The following GML variants were observed in gnomAD, a reference collection of about 807,000 sequenced individuals.
The protein encoded by GML is glycosyl-phosphatidylinositol-anchored molecule-like protein.
Under a neutral mutation model 8.2 loss-of-function variants are expected in GML, and 5 were observed. That is an observed-to-expected ratio of 0.61 (90% CI 0.32 to 1.28). The LOEUF (loss-of-function observed/expected upper bound fraction) is 1.28, where lower values mean the gene tolerates loss of function less well. Among genes scored for constraint, GML ranks in the 50% most tolerant of loss-of-function variants. The pLI, the probability that GML is intolerant of heterozygous loss-of-function variation, is 0.06. For missense variants in GML, 191 were observed against 198.3 expected, an observed-to-expected ratio of 0.96 and a Z score of 0.22; for synonymous variants, 72 against 69.0, an observed-to-expected ratio of 1.04 and a Z score of -0.22.
rs1449430357 is a variant in GML, at chr8:142,846,552, A to G, written c.339A>G (p.Gly113=). 1 of 1,614,068 alleles carries G rather than the reference A, an allele frequency of 6.2e-7. No homozygotes were observed. The highest frequency in any genetic ancestry group is 1.1e-5 in the South Asian group (1 of 91,070). ...CCCNSMVCNA[G]GPTNLERDML... ...GTAATAGCATGGTTTGCAATGCAGGAGGACCTACTAATCTTGAAAGGGACA... is the reference window on the plus strand; with the variant it reads ...GTAATAGCATGGTTTGCAATGCAGGGGGACCTACTAATCTTGAAAGGGACA... The change falls in exon 4 of 4, where the codon GGA becomes GGG. Residue 113 remains glycine (G), a synonymous_variant. Transcript: ENST00000220940.
chr8:142,839,679 G>C (rs756551), intron 1 of GML, among the ~76,000 whole-genome samples: 1 of 152,192 alleles, frequency 6.6e-6, no homozygotes, highest in African/African-American at 2.4e-5. Flanking sequence ...AGGGGATGGA[G>C]ACAGTGCGTT....
At chr8:142,844,537 G>A (rs934655475) in intron 3 of GML, among the ~76,000 whole-genome samples, 1 of 152,130 alleles carries the variant, frequency 6.6e-6, no homozygotes, top group Non-Finnish European at 1.5e-5. Context: ...TGAGGAGAAA[G>A]CATTTCAAAA....
chr8:142,840,325 G>A (rs1816409509), intron 1 of GML, 91 bp from the exon 2 acceptor site: 1 of 775,360 alleles, frequency 1.3e-6, no homozygotes, highest in Non-Finnish European at 2.3e-6. Context: ...GCAGAGTCAG[G>A]GAGACTCATG....
intron 3 of GML, among the ~76,000 whole-genome samples, chr8:142,844,055 G>A (rs879802261): frequency 2.1e-4 from 28 of 134,712 alleles, no homozygotes; most frequent in Non-Finnish European, 3.6e-4. Flanking sequence ...AAAAGCTCGA[G>A]GACTTGTGCT....
chr8:142,844,185 C>A (rs952441942), intron 3 of GML, among the ~76,000 whole-genome samples: 5 of 152,174 alleles, frequency 3.3e-5, no homozygotes, highest in African/African-American at 1.2e-4. Context: ...CTTCTGGTTT[C>A]TTGATCTCTG....
chr8:142,841,077 T>A, intron 2 of GML, 41 bp from the exon 3 acceptor site: 1 of 940,398 alleles, frequency 1.1e-6, no homozygotes, highest in Non-Finnish European at 1.8e-6. Context: ...GGAAAAGGCG[T>A]AGTGGAGCAG....
At position 142,843,506 on chromosome 8, in the gene GML, T is replaced by C. The variant is rs184202146; in HGVS notation, c.181+2281T>C. On this transcript the variant is annotated intron_variant, in intron 3 of 3. Transcript: ENST00000220940. ...CTTCTATTCCCAATGGAACTGGAGT[T>C]GTTAGGTAGTTCAGTTAGGCAAGAG... Among the ~76,000 whole-genome samples the C allele has an allele frequency of 3.9e-4, 59 of 152,318 alleles. 1 individual carries two copies. The East Asian group carries it at 6.4e-3, about 16-fold the overall frequency.
chr8:142,838,491 A>G (rs1453907442), intron 1 of GML, among the ~76,000 whole-genome samples: 1 of 151,978 alleles, frequency 6.6e-6, no homozygotes, highest in Non-Finnish European at 1.5e-5. Context: ...ACTCATGACC[A>G]CTTGCAAGTG....
intron 3 of GML, among the ~76,000 whole-genome samples, chr8:142,843,252 T>TCACACACACACACA (rs1273449345): frequency 6.7e-5 from 2 of 30,054 alleles, no homozygotes; most frequent in East Asian, 4.3e-3. Flanking sequence ...AATAAAAGGT[T>TCACACACACACACA]CATACACACA....
chr8:142,840,576 T>A, intron 2 of GML, 66 bp downstream of exon 2: 1 of 1,147,156 alleles, frequency 8.7e-7, no homozygotes, highest in Non-Finnish European at 1.3e-6. Context: ...TGGGGGTCAC[T>A]GGGATGATTG....
chr8:142,843,255 TACACAC>T (rs55778635), intron 3 of GML, among the ~76,000 whole-genome samples: 6,156 of 140,052 alleles, frequency 0.044, 321 homozygotes, highest in African/African-American at 0.13. Flanking sequence ...AAAAGGTTCA[TACACAC>T]ACACACACAC....
intron 1 of GML, among the ~76,000 whole-genome samples, chr8:142,836,106 A>T (rs1361585718): frequency 6.6e-6 from 1 of 152,196 alleles, no homozygotes; most frequent in Non-Finnish European, 1.5e-5. Context: ...TGTGCTCTGT[A>T]AGCTGTTCTA....
At chr8:142,845,537 T>C (rs1816492956) in intron 3 of GML, among the ~76,000 whole-genome samples, 1 of 152,364 alleles carries the variant, frequency 6.6e-6, no homozygotes, top group Non-Finnish European at 1.5e-5. Flanking sequence ...GAGCCATGAA[T>C]AGATAAATCA....
At chr8:142,840,556 C>G in intron 2 of GML, 46 bp downstream of exon 2, 1 of 1,378,630 alleles carries the variant, frequency 7.3e-7, no homozygotes, top group Non-Finnish European at 1.0e-6. Flanking sequence ...CGAGAATTCA[C>G]CTGGGGTGCT....
At chr8:142,840,303 G>A (rs1415440677) in intron 1 of GML, 113 bp from the exon 2 acceptor site, 1 of 666,688 alleles carries the variant, frequency 1.5e-6, no homozygotes, top group East Asian at 2.7e-5. Context: ...AGTGGGGGAG[G>A]CATTCAGGTG....
chr8:142,840,818 G>A (rs1563858832), intron 2 of GML, among the ~76,000 whole-genome samples: 1 of 152,156 alleles, frequency 6.6e-6, no homozygotes, highest in Non-Finnish European at 1.5e-5. Flanking sequence ...TGAGTATCCA[G>A]TCTTCCTTGG....
chr8:142,842,735 G>A (rs564239499), intron 3 of GML, among the ~76,000 whole-genome samples: 28 of 152,356 alleles, frequency 1.8e-4, no homozygotes, highest in Middle Eastern at 6.8e-3. Context: ...CTGCCTAGGT[G>A]ATGGGTACTC....
chr8:142,846,080 G>A (rs538824772), intron 3 of GML, among the ~76,000 whole-genome samples: 1 of 152,318 alleles, frequency 6.6e-6, no homozygotes, highest in South Asian at 2.1e-4. Context: ...CTTACCATAA[G>A]AAATGAACAG....
rs749105495 is a variant in GML, at chr8:142,841,253, A to C, written c.181+28A>C. The C allele has an allele frequency of 1.8e-5, 20 of 1,097,088 alleles. No individual in the cohort carries two copies. The Admixed American group carries it at 2.2e-4, about 12-fold the overall frequency. 68.0% of individuals were successfully genotyped at this position (1,097,088 alleles called of 1,614,324 possible). On this transcript the variant is annotated intron_variant, in intron 3 of 3. Coordinates refer to ENST00000220940, the MANE Select transcript of GML (RefSeq NM_002066.3). ...AAGTACCTCTTTGTCATTTTGACAC[A>C]TTGTAGATTAGTCCCCTACCTGGGT... is the stretch of plus-strand genomic sequence containing the variant.
Sources: allele counts gnomAD v4.1 joint callset (sites outside exome capture counted in the v4.1 genomes callset), GRCh38; gene constraint gnomAD v4.1.1; transcripts MANE v1.5; gene names NCBI Gene and HGNC (gene_info 2026-07-23, HGNC 2026-07-21).